The following TRPM2 variants were observed in gnomAD, a reference collection of about 807,000 sequenced individuals.
The protein encoded by TRPM2 is transient receptor potential cation channel subfamily M member 2.
In TRPM2, 161 loss-of-function variants were observed where a neutral mutation model predicts 174.0. That is an observed-to-expected ratio of 0.93 (90% CI 0.81 to 1.05). The LOEUF (loss-of-function observed/expected upper bound fraction) is 1.05, where lower values mean the gene tolerates loss of function less well. Ranked by LOEUF, TRPM2 falls within the 50% of genes least tolerant of loss-of-function variation. TRPM2 has a pLI of 0.00. For synonymous variants in TRPM2, 954 were observed against 861.3 expected (o/e 1.11, Z -1.88); for missense variants, 2,057 against 2,038.0 (o/e 1.01, Z -0.18).
chr21:44,366,771 G>A lies in TRPM2; in HGVS notation c.441G>A (p.Gln147=). Residue 147 remains glutamine (Q), a synonymous_variant, in exon 4 of 32, where the codon CAG becomes CAA. Coordinates refer to ENST00000397928, the MANE Select transcript of TRPM2 (RefSeq NM_003307.4). The surrounding 1 kb of genome is among the most constrained non-coding windows in gnomAD (Gnocchi z 6.0). ...TCCCGCAGTACGTCCGAGTCTCCCA[G>A]GACACGCCCTCCAGCGTGATCTACC... ...QKVKKYVRVS[Q]DTPSSVIYHL... 6.2e-7 allele frequency: 1 copy of A among 1,613,936 alleles called. No individual in the cohort carries two copies. The highest frequency in any genetic ancestry group is 8.5e-7 in the Non-Finnish European group (1 of 1,179,978).
rs549730435 is a variant in TRPM2, at chr21:44,435,715, C to T, written c.4061+498C>T. On this transcript the variant is annotated intron_variant, in intron 28 of 31. Coordinates refer to ENST00000397928, the MANE Select transcript of TRPM2 (RefSeq NM_003307.4). ...CCTCAGACTCACTTTCCACACCCAT[C>T]CACGGGGACACAGCCCCACACTCAC... is the stretch of plus-strand genomic sequence containing the variant. Among the ~76,000 whole-genome samples, 67 of 139,804 alleles carry T rather than the reference C, an allele frequency of 4.8e-4. 2 individuals carry two copies. Among genetic ancestry groups the T allele is most frequent in the Admixed American group, 2.0e-3 (29 of 14,574 alleles). 91.7% of individuals were successfully genotyped at this position (139,804 alleles called of 152,430 possible). A position where few individuals can be genotyped will look rare whatever the true frequency, so the allele number is the denominator to read the frequency against.
At chr21:44,389,521 A>G (rs2049109502) in intron 9 of TRPM2, among the ~76,000 whole-genome samples, 1 of 152,114 alleles carries the variant, frequency 6.6e-6, no homozygotes, top group Non-Finnish European at 1.5e-5. Flanking sequence ...CTGGCAGTGG[A>G]TGAGCGTTAC....
intron 31 of TRPM2, among the ~76,000 whole-genome samples, chr21:44,441,341 G>A (rs1053331484): frequency 6.6e-6 from 1 of 152,178 alleles, no homozygotes; most frequent in African/African-American, 2.4e-5. Context: ...CTCAGCCCCC[G>A]GCTGCCGGCT....
chr21:44,436,165 C>T (rs1458087418), intron 28 of TRPM2, among the ~76,000 whole-genome samples: 1 of 152,202 alleles, frequency 6.6e-6, no homozygotes, highest in African/African-American at 2.4e-5. Flanking sequence ...CTGCTCTCAC[C>T]CAAGGCACGG....
chr21:44,401,718 C>G lies in TRPM2; in HGVS notation c.2359C>G (p.Arg787Gly). Residue 787 changes from arginine (R) to glycine (G), a missense_variant, in exon 16 of 32, where the codon CGC (arginine) becomes GGC (glycine). Physicochemically the swap from Arg to Gly is moderately radical, Grantham distance 125 (BLOSUM62 -2). Coordinates refer to ENST00000397928, the MANE Select transcript of TRPM2 (RefSeq NM_003307.4). ...GCAGGATGTGGGCACCCCCGCGGCC[C>G]GCGCCCGTGCCTTCTTCACCGCACC... ...RLQDVGTPAA[R>G]ARAFFTAPVV... 6.2e-7 allele frequency: 1 copy of G among 1,613,298 alleles called. No individual in the cohort carries two copies. Among genetic ancestry groups the G allele is most frequent in the South Asian group, 1.1e-5 (1 of 91,088 alleles).
chr21:44,413,839 T>TCTTGA (rs2050185930), intron 19 of TRPM2, 52 bp from the exon 20 acceptor site: 1 of 1,579,064 alleles, frequency 6.3e-7, no homozygotes, highest in East Asian at 2.3e-5. Context: ...GCCAAGCTCC[T>TCTTGA]CTTGACTCTG....
chr21:44,376,136 G>T lies in TRPM2; in HGVS notation c.952+123G>T. 8.2e-7 allele frequency: 1 copy of T among 1,213,272 alleles called. No homozygotes were observed. Among genetic ancestry groups the T allele is most frequent in the Non-Finnish European group, 1.1e-6 (1 of 872,222 alleles). 75.2% of individuals were successfully genotyped at this position (1,213,272 alleles called of 1,614,324 possible). On this transcript the variant is annotated intron_variant, in intron 6 of 31. Coordinates refer to ENST00000397928, the MANE Select transcript of TRPM2 (RefSeq NM_003307.4). This position sits in a 1 kb window ranked among gnomAD's most constrained non-coding sequence, Gnocchi z 4.2. ...CTGGCGTTTGGCAGAGAGTGCAGTGGGCTGGTCAGAGTGTCAGGTACAGCT... is the reference window on the plus strand; with the variant it reads ...CTGGCGTTTGGCAGAGAGTGCAGTGTGCTGGTCAGAGTGTCAGGTACAGCT...
intron 16 of TRPM2, among the ~76,000 whole-genome samples, chr21:44,402,696 C>T (rs1481043513): frequency 1.3e-5 from 2 of 152,192 alleles, no homozygotes; most frequent in Non-Finnish European, 2.9e-5. Context: ...GGCTATCTCC[C>T]TGGAGCTGGG....
intron 2 of TRPM2, among the ~76,000 whole-genome samples, chr21:44,358,217 C>A (rs1350450609): frequency 6.6e-6 from 1 of 152,212 alleles, no homozygotes; most frequent in Non-Finnish European, 1.5e-5. Flanking sequence ...TGTGGCCACC[C>A]TGGTCCAGAC....
chr21:44,416,600 C>A (rs1395948157), intron 20 of TRPM2: 2 of 178,958 alleles, frequency 1.1e-5, no homozygotes, highest in Non-Finnish European at 2.4e-5. Context: ...GTGTTATTAG[C>A]CAGTGAGGCT....
intron 22 of TRPM2, among the ~76,000 whole-genome samples, chr21:44,419,573 G>A (rs1216671758): frequency 6.6e-6 from 1 of 151,434 alleles, no homozygotes; most frequent in Non-Finnish European, 1.5e-5. Flanking sequence ...GGTGGTGGTG[G>A]TGATGGTAGT....
Position 44,376,116 on chromosome 21 carries a change from G to A in TRPM2, c.952+103G>A, listed in dbSNP as rs371497550. 4.4e-5 allele frequency: 61 copies of A among 1,388,744 alleles called. No homozygotes were observed. Among genetic ancestry groups the A allele is most frequent in the South Asian group, 2.5e-4 (18 of 73,196 alleles). The allele number at this position is 1,388,744 out of a possible 1,614,324, so 86.0% of individuals were successfully genotyped here. ...GACCAGGACGTTCAACAGGCCTGGCGTTTGGCAGAGAGTGCAGTGGGCTGG... is the reference window on the plus strand; with the variant it reads ...GACCAGGACGTTCAACAGGCCTGGCATTTGGCAGAGAGTGCAGTGGGCTGG... On this transcript the variant is annotated intron_variant, in intron 6 of 31. Transcript: ENST00000397928. This position sits in a 1 kb window ranked among gnomAD's most constrained non-coding sequence, Gnocchi z 4.2.
intron 9 of TRPM2, among the ~76,000 whole-genome samples, chr21:44,383,986 T>A (rs1364495982): frequency 6.6e-6 from 1 of 151,830 alleles, no homozygotes; most frequent in African/African-American, 2.4e-5. Context: ...AGTAGCAGAA[T>A]GAAGGAAATA....
At chr21:44,360,923 A>C (rs1270826263) in intron 2 of TRPM2, among the ~76,000 whole-genome samples, 1 of 151,922 alleles carries the variant, frequency 6.6e-6, no homozygotes, top group African/African-American at 2.4e-5. Flanking sequence ...AAGATACAGC[A>C]CTGTCCATCT....
rs1260660058 is a variant in TRPM2 at position 44,430,585 on chromosome 21, G to A, written c.3974+3474G>A. On this transcript the variant is annotated intron_variant, in intron 27 of 31. Transcript: ENST00000397928. Reference sequence around the variant, plus strand: ...GCTGGGACTACAGGCGCCCGCCACCGCGCCCGGCTAATTTTTTGTATTTTT... The same window carrying A: ...GCTGGGACTACAGGCGCCCGCCACCACGCCCGGCTAATTTTTTGTATTTTT... Among the ~76,000 whole-genome samples, 5 of 49,706 alleles carry A rather than the reference G, an allele frequency of 1.0e-4. 2 individuals carry two copies. The highest frequency in any genetic ancestry group is 5.8e-4 in the Admixed American group (3 of 5,182). 32.6% of individuals were successfully genotyped at this position (49,706 alleles called of 152,430 possible).
intron 21 of TRPM2, 85 bp downstream of exon 21, chr21:44,418,193 A>G: frequency 6.6e-7 from 1 of 1,510,312 alleles, no homozygotes; most frequent in Non-Finnish European, 8.9e-7. Context: ...TCTGCCCAGA[A>G]CCCTGGACGC....
intron 5 of TRPM2, among the ~76,000 whole-genome samples, chr21:44,372,115 C>CT (rs368855651): frequency 1.6e-3 from 243 of 152,170 alleles, no homozygotes; most frequent in African/African-American, 5.5e-3. Flanking sequence ...GAGCAAGACT[C>CT]TGTCTAAACT....
intron 27 of TRPM2, among the ~76,000 whole-genome samples, chr21:44,429,288 T>TC (rs2050945606): frequency 1.4e-5 from 2 of 140,554 alleles, no homozygotes; most frequent in African/African-American, 5.3e-5. Context: ...CTTTTTTTTT[T>TC]TTTTTTTTTT....
intron 19 of TRPM2, 21 bp from the exon 20 acceptor site, chr21:44,413,870 C>T: frequency 1.9e-6 from 3 of 1,600,228 alleles, no homozygotes; most frequent in African/African-American, 1.3e-5. Flanking sequence ...TTGGCTCACC[C>T]ACCCCCATTC....
Sources: allele counts gnomAD v4.1 joint callset (sites outside exome capture counted in the v4.1 genomes callset), GRCh38; gene constraint gnomAD v4.1.1; non-coding constraint Gnocchi (gnomAD v3.1); transcripts MANE v1.5; gene names NCBI Gene and HGNC (gene_info 2026-07-23, HGNC 2026-07-21).